CMIP: variants seen among roughly 807,000 people sequenced by gnomAD.
CMIP encodes the protein C-Maf-inducing protein.
A neutral mutation model predicts 97.3 loss-of-function variants in CMIP; 13 were observed. That is an observed-to-expected ratio of 0.13 (90% CI 0.09 to 0.21). The LOEUF (loss-of-function observed/expected upper bound fraction) is 0.21. CMIP is among the 10% of genes least tolerant of loss of function. The pLI is 1.00. For synonymous variants in CMIP, 538 were observed against 436.3 expected (o/e 1.23, Z -2.91); for missense variants, 847 against 1,024.9 (o/e 0.83, Z 2.37).
chr16:81,494,064 G>A (rs2089448755), intron 1 of CMIP, among the ~76,000 whole-genome samples: 1 of 152,228 alleles, frequency 6.6e-6, no homozygotes, highest in Admixed American at 6.5e-5. Flanking sequence ...CAGAGCCAGA[G>A]TCCCTGGCTC....
At chr16:81,532,180 C>T (rs2090250325) in intron 1 of CMIP, among the ~76,000 whole-genome samples, 1 of 152,212 alleles carries the variant, frequency 6.6e-6, no homozygotes, top group Non-Finnish European at 1.5e-5. Flanking sequence ...AGACTGCAGT[C>T]CCAGGGCTCA....
At chr16:81,662,001 G>A (rs567430797) in intron 6 of CMIP, among the ~76,000 whole-genome samples, 2 of 152,294 alleles carry the variant, frequency 1.3e-5, no homozygotes, top group African/African-American at 2.4e-5. Context: ...CCGTGAGTGT[G>A]TGTGTGTGTA....
At chr16:81,505,529 AG>A (rs1180566813) in intron 1 of CMIP, among the ~76,000 whole-genome samples, 3 of 152,192 alleles carry the variant, frequency 2.0e-5, no homozygotes, top group African/African-American at 7.2e-5. Context: ...TTGGAGCTTT[AG>A]TGCTTTCTTA....
At chr16:81,575,948 G>A (rs7189295) in intron 1 of CMIP, among the ~76,000 whole-genome samples, 70,412 of 152,066 alleles carry the variant, frequency 0.46, 17,919 homozygotes, top group Non-Finnish European at 0.57. Flanking sequence ...CAAAATAAGA[G>A]TAGTTCTTAT....
intron 20 of CMIP, among the ~76,000 whole-genome samples, chr16:81,708,688 G>T (rs1378623348): frequency 6.6e-6 from 1 of 152,198 alleles, no homozygotes; most frequent in African/African-American, 2.4e-5. Flanking sequence ...GCCCAGTCTG[G>T]CCAGACCTTC....
rs779992655 is a variant in CMIP at position 81,609,822 on chromosome 16, G to A, written c.426+2130G>A. Among the ~76,000 whole-genome samples the A allele has an allele frequency of 5.9e-5, 9 of 152,320 alleles. No individual in the cohort carries two copies. The East Asian group carries it at 1.2e-3, about 20-fold the overall frequency. ...CAGCTGGAGGAGATGGAGAGATGGA[G>A]TTTGGGGCTGTGGATATGTCTAGAT... On this transcript the variant is annotated intron_variant, in intron 2 of 20. Coordinates refer to ENST00000537098, the MANE Select transcript of CMIP (RefSeq NM_198390.3).
intron 1 of CMIP, among the ~76,000 whole-genome samples, chr16:81,588,980 G>C (rs1037228778): frequency 8.6e-5 from 13 of 152,026 alleles, no homozygotes; most frequent in Non-Finnish European, 1.2e-4. Flanking sequence ...CAGGTTTTCT[G>C]TTCTCAAAGC....
intron 1 of CMIP, among the ~76,000 whole-genome samples, chr16:81,574,717 G>T (rs1371594227): frequency 2.0e-5 from 3 of 152,272 alleles, no homozygotes. Context: ...TGGTGCTGGG[G>T]ATACAGTGGT....
chr16:81,553,534 C>T (rs1054084548), intron 1 of CMIP, among the ~76,000 whole-genome samples: 10 of 152,194 alleles, frequency 6.6e-5, no homozygotes, highest in African/African-American at 2.4e-4. Context: ...CCGGCGCCAG[C>T]TTCGAACAGG....
At chr16:81,635,410 C>T (rs1313043150) in intron 3 of CMIP, among the ~76,000 whole-genome samples, 1 of 152,182 alleles carries the variant, frequency 6.6e-6, no homozygotes, top group Non-Finnish European at 1.5e-5. Flanking sequence ...TATCCTACCT[C>T]TGCTTAATGA....
chr16:81,535,477 T>C (rs2090324885), intron 1 of CMIP, among the ~76,000 whole-genome samples: 1 of 151,960 alleles, frequency 6.6e-6, no homozygotes, highest in African/African-American at 2.4e-5. Flanking sequence ...TTTTTTTTTT[T>C]TTTTTTTTAA....
At chr16:81,651,137 G>C (rs2151004699) in intron 3 of CMIP, 1 of 152,416 alleles carries the variant, frequency 6.6e-6, no homozygotes, top group East Asian at 1.9e-4. Context: ...CACCCCAGCT[G>C]GCTGCTGGCA....
chr16:81,463,491 T>C (rs1309937304), intron 1 of CMIP, among the ~76,000 whole-genome samples: 1 of 152,230 alleles, frequency 6.6e-6, no homozygotes, highest in African/African-American at 2.4e-5. Flanking sequence ...TTGTGGTTTT[T>C]ATTCTCAGAT....
At chr16:81,449,819 G>A (rs996511939) in intron 1 of CMIP, among the ~76,000 whole-genome samples, 2 of 152,212 alleles carry the variant, frequency 1.3e-5, no homozygotes, top group Non-Finnish European at 2.9e-5. Context: ...AATTGCAAAC[G>A]TGGTCTGCCT....
At chr16:81,704,198 TC>T (rs1335547955) in intron 18 of CMIP, 113 bp downstream of exon 18, 2 of 483,486 alleles carry the variant, frequency 4.1e-6, no homozygotes, top group Non-Finnish European at 6.5e-6. Flanking sequence ...CCCTGCCCCC[TC>T]CCCCTCCTTC....
At chr16:81,579,164 C>G (rs991621808) in intron 1 of CMIP, among the ~76,000 whole-genome samples, 1 of 152,130 alleles carries the variant, frequency 6.6e-6, no homozygotes, top group African/African-American at 2.4e-5. Context: ...CCCCTGCCTC[C>G]TAGGGCTATT....
At chr16:81,452,970 T>C (rs1387761540) in intron 1 of CMIP, among the ~76,000 whole-genome samples, 1 of 147,950 alleles carries the variant, frequency 6.8e-6, no homozygotes, top group Non-Finnish European at 1.5e-5. Context: ...TAAGAGATTC[T>C]TAAATGACAA....
chr16:81,702,022 A>G (rs1907473777), intron 16 of CMIP, among the ~76,000 whole-genome samples: 1 of 152,204 alleles, frequency 6.6e-6, no homozygotes, highest in Admixed American at 6.5e-5. Context: ...TGGCCAGGAC[A>G]TTGCCCACCC....
At chr16:81,629,658 C>T (rs2092126979) in intron 3 of CMIP, among the ~76,000 whole-genome samples, 1 of 152,272 alleles carries the variant, frequency 6.6e-6, no homozygotes, top group Non-Finnish European at 1.5e-5. Context: ...CGTCCATCTT[C>T]ACGCAGCCAT....
Sources: gnomAD v4.1 joint callset for allele counts (sites outside exome capture counted in the v4.1 genomes callset) on GRCh38, gnomAD v4.1.1 for gene constraint, MANE v1.5 for transcripts, NCBI Gene and HGNC (gene_info 2026-07-23, HGNC 2026-07-21) for gene names.